Variants in NEBL observed in about 807,000 individuals in gnomAD.
NEBL encodes nebulette, also known as LIM and SH3 protein 2.
In NEBL, 122 loss-of-function variants were observed where a neutral mutation model predicts 140.2. The ratio of observed to expected loss-of-function variants is 0.87; its 90% CI spans 0.75 to 1.01. The LOEUF (loss-of-function observed/expected upper bound fraction) is 1.01. Among genes scored for constraint, NEBL ranks in the 50% least tolerant of loss-of-function variants. The pLI is 0.00. For missense variants in NEBL, 1,365 were observed against 1,231.3 expected (o/e 1.11, Z -1.62); for synonymous variants, 436 against 398.9 (o/e 1.09, Z -1.11).
Position 20,897,029 on chromosome 10 carries a change from C to T in NEBL, c.82G>A (p.Val28Ile), listed in dbSNP as rs200862098. Residue 28 changes from valine (V) to isoleucine (I), a missense_variant and splice_region_variant, in exon 2 of 28, where the codon GTC becomes ATC. Val to Ile is a conservative substitution (Grantham distance 29, BLOSUM62 3). Coordinates refer to ENST00000377122, the MANE Select transcript of NEBL (RefSeq NM_006393.3). ...IGEEENEEDQ[V>I]FYKPVIEDLS... ...TCTTCAATAACAGGCTTATAGAAGA[C>T]CTATTTGAAAAAAAAGAAAAGAACA... The T allele has an allele frequency of 6.2e-7, 1 of 1,612,986 alleles. No homozygotes were observed. Among genetic ancestry groups the T allele is most frequent in the East Asian group, 2.2e-5 (1 of 44,844 alleles).
intron 1 of NEBL, among the ~76,000 whole-genome samples, chr10:21,272,806 T>C (rs985019575): frequency 3.3e-5 from 5 of 152,166 alleles, no homozygotes; most frequent in African/African-American, 4.8e-5. Context: ...GCTCTTACTG[T>C]CCTTTATCTT....
intron 26 of NEBL, among the ~76,000 whole-genome samples, chr10:20,800,770 C>T (rs1837044328): frequency 6.6e-6 from 1 of 152,108 alleles, no homozygotes; most frequent in Non-Finnish European, 1.5e-5. Context: ...TAGCGGACCA[C>T]TGAGAAGGTC....
chr10:20,814,145 T>G, intron 22 of NEBL, 102 bp from the exon 23 acceptor site: 1 of 782,416 alleles, frequency 1.3e-6, no homozygotes, highest in Admixed American at 2.0e-5. Flanking sequence ...TACTTGAAAT[T>G]ATTTTCCAGG....
chr10:20,947,665 C>T (rs1835243585), intron 4 of NEBL, among the ~76,000 whole-genome samples: 1 of 148,398 alleles, frequency 6.7e-6, no homozygotes, highest in African/African-American at 2.5e-5. Flanking sequence ...CAGCCATTGA[C>T]ATTTTTACTG....
chr10:20,964,297 G>A (rs1025625246), intron 3 of NEBL, among the ~76,000 whole-genome samples: 4 of 152,160 alleles, frequency 2.6e-5, no homozygotes, highest in African/African-American at 9.7e-5. Flanking sequence ...GAAAGGGGTT[G>A]TGTCATTTAT....
upstream of NEBL, among the ~76,000 whole-genome samples, chr10:21,177,130 T>C (rs1841313180): frequency 6.6e-6 from 1 of 152,246 alleles, no homozygotes; most frequent in East Asian, 1.9e-4. Context: ...GCCGTGTGAC[T>C]TCCTTCGGCC....
intron 18 of NEBL, among the ~76,000 whole-genome samples, chr10:20,825,357 C>G (rs927448052): frequency 2.0e-5 from 3 of 152,038 alleles, no homozygotes; most frequent in African/African-American, 7.2e-5. Flanking sequence ...TTTACTTCCT[C>G]AAGAAACTAA....
At chr10:21,169,065 AAAATATATATATATATATATAT>A (rs1306082639) in intron 2 of NEBL, among the ~76,000 whole-genome samples, 13 of 28,564 alleles carry the variant, frequency 4.6e-4, no homozygotes, top group South Asian at 2.5e-3. Context: ...AAAAAAAAAA[AAAATATATATATATATATATAT>A]ATATATATAT....
intron 26 of NEBL, among the ~76,000 whole-genome samples, chr10:20,799,890 T>C (rs1836928479): frequency 6.6e-6 from 1 of 152,066 alleles, no homozygotes; most frequent in African/African-American, 2.4e-5. Context: ...ATGGTTACTA[T>C]AGTGAAGCAA....
intron 3 of NEBL, among the ~76,000 whole-genome samples, chr10:21,218,606 G>A (rs1842030085): frequency 6.6e-6 from 1 of 152,130 alleles, no homozygotes; most frequent in Non-Finnish European, 1.5e-5. Flanking sequence ...CTCTGCCCAT[G>A]GAACACAAAA....
At chr10:21,249,208 G>A (rs1842556371) in intron 2 of NEBL, among the ~76,000 whole-genome samples, 1 of 151,892 alleles carries the variant, frequency 6.6e-6, no homozygotes, top group South Asian at 2.1e-4. Context: ...TTTTAATTGG[G>A]TTGTTTGGTA....
intron 3 of NEBL, among the ~76,000 whole-genome samples, chr10:21,008,792 C>T (rs771223281): frequency 2.0e-4 from 31 of 152,114 alleles, no homozygotes; most frequent in South Asian, 4.2e-4. Flanking sequence ...TTATAAGGTT[C>T]GGTACTATCT....
rs920984542 is a variant in NEBL, at chr10:21,254,978, G to A, written n.183-3150C>T. On this transcript the variant is annotated intron_variant and non_coding_transcript_variant, in intron 1 of 8. Transcript: ENST00000675702. ...GAGCACCTCATTAGCCACACATAGT[G>A]TGTGTTGGGGTAACAACAGAATGCT... Among the ~76,000 whole-genome samples, 13 of 152,216 alleles carry A rather than the reference G, an allele frequency of 8.5e-5. No individual in the cohort carries two copies. The South Asian group carries it at 2.3e-3, about 27-fold the overall frequency.
rs560627689 is a variant in NEBL, at chr10:20,969,713, T to C, written c.250-7934A>G. ...GGCGTACACCACCACACTGAGCTAA[T>C]TTTTGAATTTTTAGTAGAGACAGGG... On this transcript the variant is annotated intron_variant, in intron 3 of 6. Transcript: ENST00000417816. 9.9e-5 allele frequency among the ~76,000 whole-genome samples: 15 copies of C among 152,030 alleles called. No individual in the cohort carries two copies. In the East Asian group the frequency reaches 2.9e-3, roughly 30 times the overall value.
chr10:20,890,494 T>C (rs1285324862), intron 2 of NEBL, among the ~76,000 whole-genome samples: 1 of 152,190 alleles, frequency 6.6e-6, no homozygotes, highest in East Asian at 1.9e-4. Flanking sequence ...GGGCTTCCTG[T>C]TACTAATTCC....
At chr10:21,185,444 A>G (rs960811740) in intron 3 of NEBL, among the ~76,000 whole-genome samples, 6 of 150,302 alleles carry the variant, frequency 4.0e-5, no homozygotes, top group Non-Finnish European at 8.9e-5. Flanking sequence ...CACCAAGCTA[A>G]GCACACAGAA....
chr10:20,984,166 A>G (rs1837162375), intron 3 of NEBL, among the ~76,000 whole-genome samples: 1 of 151,412 alleles, frequency 6.6e-6, no homozygotes, highest in African/African-American at 2.4e-5. Context: ...TAAAGATTAT[A>G]TTAAAAACAG....
chr10:21,199,325 A>C (rs1326665094), intron 3 of NEBL, among the ~76,000 whole-genome samples: 69 of 152,138 alleles, frequency 4.5e-4, no homozygotes, highest in Admixed American at 4.5e-3. Context: ...GAGCCACTGC[A>C]TCCCAATTGG....
intron 2 of NEBL, among the ~76,000 whole-genome samples, chr10:21,155,699 C>T (rs1887459): frequency 0.047 from 7,102 of 152,218 alleles, 563 homozygotes; most frequent in African/African-American, 0.16. Context: ...ATTGACACAC[C>T]TGAAAAGACC....
Sources: allele counts gnomAD v4.1 joint callset (sites outside exome capture counted in the v4.1 genomes callset), GRCh38; gene constraint gnomAD v4.1.1; transcripts MANE v1.5; gene names NCBI Gene and HGNC (gene_info 2026-07-23, HGNC 2026-07-21).